The following ATXN7L2 variants were observed in gnomAD, a reference collection of about 807,000 sequenced individuals.
ATXN7L2 encodes ataxin 7 like 2, also known as ataxin-7-like protein 2.
Under a neutral mutation model 59.6 loss-of-function variants are expected in ATXN7L2, and 17 were observed. The ratio of observed to expected loss-of-function variants is 0.29; its 90% CI spans 0.20 to 0.43. The LOEUF (loss-of-function observed/expected upper bound fraction) is 0.43. ATXN7L2 is among the 20% of genes least tolerant of loss of function. The pLI is 1.00. For synonymous variants in ATXN7L2, 378 were observed against 392.5 expected (o/e 0.96, Z 0.44); for missense variants, 858 against 1,008.9 (o/e 0.85, Z 2.03).
chr1:109,484,017 G>A lies in ATXN7L2; in HGVS notation c.64G>A (p.Asp22Asn). 1 of 1,438,064 alleles carries A rather than the reference G, an allele frequency of 7.0e-7. No homozygotes were observed. The highest frequency in any genetic ancestry group is 9.2e-7 in the Non-Finnish European group (1 of 1,087,426). 89.1% of individuals were successfully genotyped at this position (1,438,064 alleles called of 1,614,324 possible). A position where few individuals can be genotyped will look rare whatever the true frequency, so the allele number is the denominator to read the frequency against. The change falls in exon 1 of 11, where the codon GAT becomes AAT. Residue 22 changes from aspartate (D) to asparagine (N), a missense_variant. Asp to Asn is a conservative substitution (Grantham distance 23). This residue lies in a region of ATXN7L2 where 95 missense variants were observed against 82.6 expected (regional missense o/e 1.15). Coordinates refer to ENST00000683729, the MANE Select transcript of ATXN7L2 (RefSeq NM_001350175.2). ...TCTGGAGCGGCGGGTGCCGAGTCTC[G>A]ATGACTTCGCGGGACAGAGCTGGAG... ...AALERRVPSLDDFAGQSWSSW... is the reference protein window; with the variant it reads ...AALERRVPSLNDFAGQSWSSW...
Position 109,488,477 on chromosome 1 carries a change from C to G in ATXN7L2, c.879+12C>G. 1 of 1,603,060 alleles carries G rather than the reference C, an allele frequency of 6.2e-7. No homozygotes were observed. Among genetic ancestry groups the G allele is most frequent in the Admixed American group, 1.7e-5 (1 of 59,384 alleles). ...TGTTGACCTGCAAGGTAACCCCCTT[C>G]CCACTGCACGGTGAGGGAGGACAGC... is the stretch of plus-strand genomic sequence containing the variant. On this transcript the variant is annotated intron_variant, in intron 6 of 10. Coordinates refer to ENST00000683729, the MANE Select transcript of ATXN7L2 (RefSeq NM_001350175.2). The surrounding 1 kb of genome is among the most constrained non-coding windows in gnomAD (Gnocchi z 5.0).
At chr1:109,489,224 G>A (rs1011432741) in intron 7 of ATXN7L2, 124 bp downstream of exon 7, 4 of 1,295,920 alleles carry the variant, frequency 3.1e-6, no homozygotes, top group Non-Finnish European at 4.2e-6. Flanking sequence ...GAGTGTGGGG[G>A]TATTCCTGGG....
chr1:109,484,043 C>T lies in ATXN7L2; in HGVS notation c.90C>T (p.Ser30=), dbSNP rs764076726. 6.7e-5 allele frequency: 102 copies of T among 1,513,792 alleles called. No individual in the cohort carries two copies. The highest frequency in any genetic ancestry group is 8.3e-5 in the Non-Finnish European group (94 of 1,128,458). 93.8% of individuals were successfully genotyped at this position (1,513,792 alleles called of 1,614,324 possible). A position where few individuals can be genotyped will look rare whatever the true frequency, so the allele number is the denominator to read the frequency against. ...ATGACTTCGCGGGACAGAGCTGGAG[C>T]TCGTGGGTGGAGCGGGCCGACCTGC... The part of the protein sequence containing the change: ...SLDDFAGQSW[S]SWVERADLPA... The change falls in exon 1 of 11, where the codon AGC becomes AGT. Residue 30 remains serine, a synonymous_variant. Coordinates refer to ENST00000683729, the MANE Select transcript of ATXN7L2 (RefSeq NM_001350175.2).
intron 10 of ATXN7L2, 96 bp from the exon 11 acceptor site, chr1:109,492,490 T>C: frequency 6.6e-7 from 1 of 1,513,086 alleles, no homozygotes; most frequent in Non-Finnish European, 9.0e-7. Context: ...CAGAAGGAAA[T>C]CAAGCTTTAG....
At position 109,488,508 on chromosome 1, in the gene ATXN7L2, G is replaced by A; in HGVS notation, c.879+43G>A. ...GCACGGTGAGGGAGGACAGCACAGG[G>A]CTTGCCCACTCCTTCCCTGGGCAAA... is the stretch of plus-strand genomic sequence containing the variant. On this transcript the variant is annotated intron_variant, in intron 6 of 10. Coordinates refer to ENST00000683729, the MANE Select transcript of ATXN7L2 (RefSeq NM_001350175.2). This position sits in a 1 kb window ranked among gnomAD's most constrained non-coding sequence, Gnocchi z 5.0. The A allele has an allele frequency of 6.5e-7, 1 of 1,549,328 alleles. No homozygotes were observed. Among genetic ancestry groups the A allele is most frequent in the Non-Finnish European group, 8.9e-7 (1 of 1,129,104 alleles).
rs1245643016 is a variant in ATXN7L2, at chr1:109,491,956, C to T, written c.2250+239C>T. 4.4e-5 allele frequency: 55 copies of T among 1,240,906 alleles called. No individual in the cohort carries two copies. Among genetic ancestry groups the T allele is most frequent in the Non-Finnish European group, 5.6e-5 (54 of 967,444 alleles). 76.9% of individuals were successfully genotyped at this position (1,240,906 alleles called of 1,614,324 possible). ...TCCCTTGGGCTGAGGAGATGCGGCA[C>T]CCCTCCACCCCTGCTTTTGCTATAA... is the stretch of plus-strand genomic sequence containing the variant. On this transcript the variant is annotated intron_variant, in intron 10 of 10. Coordinates refer to ENST00000683729, the MANE Select transcript of ATXN7L2 (RefSeq NM_001350175.2). The surrounding 1 kb of genome is among the most constrained non-coding windows in gnomAD (Gnocchi z 4.1).
chr1:109,489,469 C>G (rs1656856335), intron 7 of ATXN7L2: 1 of 334,366 alleles, frequency 3.0e-6, no homozygotes, highest in South Asian at 4.3e-5. Flanking sequence ...CTATGCCGGA[C>G]CCCAGGGAGA....
chr1:109,492,551 C>A, intron 10 of ATXN7L2, 35 bp from the exon 11 acceptor site: 1 of 1,613,874 alleles, frequency 6.2e-7, no homozygotes, highest in Non-Finnish European at 8.5e-7. Flanking sequence ...AGGCCCCCAC[C>A]CTGACCCTTT....
chr1:109,487,388 G>A (rs1214252875), intron 4 of ATXN7L2, 130 bp from the exon 5 acceptor site: 33 of 1,191,166 alleles, frequency 2.8e-5, no homozygotes, highest in Admixed American at 9.7e-5. Flanking sequence ...TCCTCTTCCC[G>A]TGTTTCACAC....
intron 1 of ATXN7L2, chr1:109,485,561 T>G: frequency 2.0e-6 from 2 of 984,224 alleles, no homozygotes; most frequent in Non-Finnish European, 2.4e-6. Context: ...CCTGGGAGAG[T>G]ATCTATTTGG....
chr1:109,484,597 C>G (rs1415156465), intron 1 of ATXN7L2, among the ~76,000 whole-genome samples: 1 of 152,140 alleles, frequency 6.6e-6, no homozygotes, highest in African/African-American at 2.4e-5. Context: ...TATCCTCCCT[C>G]CCTCCATCCT....
rs138423700 is a variant in ATXN7L2, at chr1:109,487,356, A to G, written c.509+139A>G. 6,648 of 1,156,530 alleles carry G rather than the reference A, an allele frequency of 5.7e-3. 37 individuals are homozygous for G. Among genetic ancestry groups the G allele is most frequent in the Non-Finnish European group, 6.9e-3 (5,919 of 853,436 alleles). The allele number at this position is 1,156,530 out of a possible 1,614,324, so 71.6% of individuals were successfully genotyped here. On this transcript the variant is annotated intron_variant, in intron 4 of 10. Transcript: ENST00000683729. Reference sequence around the variant, plus strand: ...CGTCCTGTCTGCAGCTTCCTTCCATATATTCCAGGGAAGATGGGGTCTCCT... The same window carrying G: ...CGTCCTGTCTGCAGCTTCCTTCCATGTATTCCAGGGAAGATGGGGTCTCCT...
At chr1:109,485,834 G>T in intron 1 of ATXN7L2, 1 of 1,205,958 alleles carries the variant, frequency 8.3e-7, no homozygotes, top group Non-Finnish European at 1.0e-6. Context: ...AGGAAGATGG[G>T]CATTTGAGAA....
At position 109,483,991 on chromosome 1, in the gene ATXN7L2, C is replaced by T. The variant is rs1656372167; in HGVS notation, c.38C>T (p.Ala13Val). ...GAACGCGCGGCGGCAGCAATGGCCG[C>T]TCTGGAGCGGCGGGTGCCGAGTCTC... The part of the protein sequence containing the change: ...VRERAAAAMA[A>V]LERRVPSLDD... Residue 13 changes from alanine to valine, a missense_variant, in exon 1 of 11, where the codon GCT becomes GTT. By Grantham distance (64) the Ala-to-Val change is moderately conservative. Coordinates refer to ENST00000683729, the MANE Select transcript of ATXN7L2 (RefSeq NM_001350175.2). The T allele has an allele frequency of 7.0e-7, 1 of 1,422,448 alleles. No homozygotes were observed. The highest frequency in any genetic ancestry group is 9.3e-7 in the Non-Finnish European group (1 of 1,076,426). 88.1% of individuals were successfully genotyped at this position (1,422,448 alleles called of 1,614,324 possible).
Position 109,487,563 on chromosome 1 carries a change from G to C in ATXN7L2, c.555G>C (p.Pro185=). ...ATCTGGAGAAGATGTCCAGTCTCCC[G>C]AAGCCTGATGGACATGGAATCAGGG... ...VVNLEKMSSL[P]KPDGHGIRVA... is the part of the protein sequence containing the mutation. The change falls in exon 5 of 11, where the codon CCG becomes CCC. Residue 185 remains proline (P), a synonymous_variant. Transcript: ENST00000683729. 2.6e-6 allele frequency: 4 copies of C among 1,522,052 alleles called. No homozygotes were observed. The highest frequency in any genetic ancestry group is 3.5e-6 in the Non-Finnish European group (4 of 1,136,234). The allele number at this position is 1,522,052 out of a possible 1,614,324, so 94.3% of individuals were successfully genotyped here.
chr1:109,492,103 A>G, intron 10 of ATXN7L2: 1 of 1,064,078 alleles, frequency 9.4e-7, no homozygotes, highest in Non-Finnish European at 1.1e-6. Flanking sequence ...CCGAGCAGCA[A>G]GGTGGGTGGG....
chr1:109,490,333 C>T lies in ATXN7L2; in HGVS notation c.1395C>T (p.Asp465=), dbSNP rs754056969. 1.2e-6 allele frequency: 2 copies of T among 1,613,916 alleles called. No homozygotes were observed. The highest frequency in any genetic ancestry group is 1.1e-5 in the South Asian group (1 of 91,092). Reference sequence around the variant, plus strand: ...GCTATGTGTTTAGCCGCCGGCTGGACCGGTTCTGCTCAGCACTCAGCTCCA... The same window carrying T: ...GCTATGTGTTTAGCCGCCGGCTGGATCGGTTCTGCTCAGCACTCAGCTCCA... ...PGCYVFSRRL[D]RFCSALSSML... Residue 465 remains aspartate, a synonymous_variant, in exon 9 of 11, where the codon GAC becomes GAT. Transcript: ENST00000683729.
At chr1:109,487,298 G>T (rs868523408) in intron 4 of ATXN7L2, 81 bp downstream of exon 4, 3 of 1,345,178 alleles carry the variant, frequency 2.2e-6, no homozygotes, top group Non-Finnish European at 3.0e-6. Context: ...GACAGCCCTG[G>T]GTCAAGGCAT....
intron 7 of ATXN7L2, 90 bp downstream of exon 7, chr1:109,489,190 T>A: frequency 6.8e-7 from 1 of 1,474,938 alleles, no homozygotes; most frequent in Non-Finnish European, 9.1e-7. Flanking sequence ...GGGAGTGTCC[T>A]GGAAGAGGCA....
Sources: gnomAD v4.1 joint callset for allele counts (sites outside exome capture counted in the v4.1 genomes callset) on GRCh38, gnomAD v4.1.1 for gene constraint, gnomAD v4.1.1 regional missense constraint, Gnocchi (gnomAD v3.1) non-coding constraint, MANE v1.5 for transcripts, NCBI Gene and HGNC (gene_info 2026-07-23, HGNC 2026-07-21) for gene names.